PDSS2: variants seen among roughly 807,000 people sequenced by gnomAD.
PDSS2 encodes the protein all trans-polyprenyl-diphosphate synthase PDSS2.
Under a neutral mutation model 44.5 loss-of-function variants are expected in PDSS2, and 31 were observed. The ratio of observed to expected loss-of-function variants is 0.70; its 90% CI spans 0.52 to 0.94. The LOEUF is 0.94. PDSS2 is among the 40% of genes least tolerant of loss of function. The pLI is 0.00. For missense variants in PDSS2, 452 were observed against 482.2 expected (o/e 0.94, Z 0.59); for synonymous variants, 157 against 180.3 (o/e 0.87, Z 1.03).
intron 1 of PDSS2, among the ~76,000 whole-genome samples, chr6:107,396,431 G>C (rs1167210343): frequency 1.3e-5 from 2 of 152,108 alleles, no homozygotes; most frequent in Non-Finnish European, 2.9e-5. Context: ...TTTCTCTCAG[G>C]AATCAACAGT....
chr6:107,239,859 C>T lies in PDSS2; in HGVS notation c.702+5689G>A, dbSNP rs561802009. Among the ~76,000 whole-genome samples, 7 of 152,122 alleles carry T rather than the reference C, an allele frequency of 4.6e-5. No individual in the cohort carries two copies. The East Asian group carries it at 1.4e-3, about 29-fold the overall frequency. ...GTTTCACCATGTTGGCCAGGCTGGTCTCGAACTCCTAACCTCAAGTGATCT... is the reference window on the plus strand; with the variant it reads ...GTTTCACCATGTTGGCCAGGCTGGTTTCGAACTCCTAACCTCAAGTGATCT... On this transcript the variant is annotated intron_variant, in intron 4 of 7. Coordinates refer to ENST00000369037, the MANE Select transcript of PDSS2 (RefSeq NM_020381.4).
intron 4 of PDSS2, among the ~76,000 whole-genome samples, chr6:107,241,637 C>T (rs1167373869): frequency 6.6e-6 from 1 of 152,194 alleles, no homozygotes; most frequent in Non-Finnish European, 1.5e-5. Context: ...TAAGCCACCG[C>T]ACCCGGCTGC....
chr6:107,235,046 C>T (rs1774178457), intron 4 of PDSS2, among the ~76,000 whole-genome samples: 1 of 151,962 alleles, frequency 6.6e-6, no homozygotes, highest in African/African-American at 2.4e-5. Context: ...ACAGTGACAC[C>T]CAAGAAATGG....
chr6:107,363,215 T>TATAC (rs1778835443), intron 1 of PDSS2, among the ~76,000 whole-genome samples: 1 of 152,222 alleles, frequency 6.6e-6, no homozygotes. Context: ...AATACAGAGA[T>TATAC]ATACACATAG....
At chr6:107,366,870 A>G (rs1778973869) in intron 1 of PDSS2, among the ~76,000 whole-genome samples, 1 of 152,072 alleles carries the variant, frequency 6.6e-6, no homozygotes. Context: ...AGTCCTTTCC[A>G]CAAGGAAAGG....
At chr6:107,164,554 TC>T (rs1486835516) in intron 7 of PDSS2, among the ~76,000 whole-genome samples, 4 of 152,192 alleles carry the variant, frequency 2.6e-5, no homozygotes, top group African/African-American at 9.7e-5. Flanking sequence ...ATTTTATCAA[TC>T]CAGTCTATCA....
chr6:107,417,545 G>A (rs1276745146), intron 1 of PDSS2, among the ~76,000 whole-genome samples: 1 of 152,174 alleles, frequency 6.6e-6, no homozygotes, highest in African/African-American at 2.4e-5. Context: ...GATCACTTGA[G>A]GTGAGGAATT....
At chr6:107,185,070 C>G (rs1372267152) in intron 7 of PDSS2, among the ~76,000 whole-genome samples, 1 of 134,954 alleles carries the variant, frequency 7.4e-6, no homozygotes, top group Non-Finnish European at 1.5e-5. Flanking sequence ...CCCAGGAGTT[C>G]GAGGCTGTAG....
At chr6:107,256,348 T>C (rs1775022190) in intron 3 of PDSS2, among the ~76,000 whole-genome samples, 1 of 152,188 alleles carries the variant, frequency 6.6e-6, no homozygotes. Flanking sequence ...AGATAACATT[T>C]GGCCAAAGAG....
At chr6:107,167,909 A>G (rs558288642) in intron 7 of PDSS2, among the ~76,000 whole-genome samples, 3 of 152,218 alleles carry the variant, frequency 2.0e-5, no homozygotes, top group Admixed American at 6.5e-5. Context: ...TATGTGGTCA[A>G]TTTTGGATTG....
At chr6:107,237,310 C>T (rs1486412272) in intron 4 of PDSS2, among the ~76,000 whole-genome samples, 3 of 151,904 alleles carry the variant, frequency 2.0e-5, no homozygotes, top group Non-Finnish European at 4.4e-5. Context: ...ATGGCATGAT[C>T]TTGGCTCAGT....
intron 2 of PDSS2, among the ~76,000 whole-genome samples, chr6:107,305,640 T>TG (rs1189964138): frequency 6.6e-6 from 1 of 152,216 alleles, no homozygotes; most frequent in Admixed American, 6.5e-5. Flanking sequence ...TAATGTCAAG[T>TG]ATCTACTGGG....
At chr6:107,384,318 T>C (rs999590357) in intron 1 of PDSS2, among the ~76,000 whole-genome samples, 1 of 152,088 alleles carries the variant, frequency 6.6e-6, no homozygotes, top group African/African-American at 2.4e-5. Flanking sequence ...ATAGTGGTAA[T>C]GGTTGCACAA....
At chr6:107,442,999 T>C (rs1156796471) in intron 1 of PDSS2, among the ~76,000 whole-genome samples, 1 of 152,216 alleles carries the variant, frequency 6.6e-6, no homozygotes, top group Admixed American at 6.5e-5. Flanking sequence ...TAACAATTTA[T>C]TGCACTTTGT....
At chr6:107,325,174 C>T (rs1339800811) in intron 2 of PDSS2, among the ~76,000 whole-genome samples, 5 of 152,148 alleles carry the variant, frequency 3.3e-5, no homozygotes, top group Non-Finnish European at 7.4e-5. Flanking sequence ...AACCAATTTT[C>T]ACTTAGAGGA....
At chr6:107,262,066 G>A (rs994868261) in intron 3 of PDSS2, among the ~76,000 whole-genome samples, 3 of 151,452 alleles carry the variant, frequency 2.0e-5, no homozygotes, top group Admixed American at 6.6e-5. Flanking sequence ...CCGCCACCAC[G>A]CCCGGCTAAT....
At chr6:107,250,408 A>T (rs1335462070) in intron 3 of PDSS2, among the ~76,000 whole-genome samples, 1 of 152,216 alleles carries the variant, frequency 6.6e-6, no homozygotes, top group Non-Finnish European at 1.5e-5. Flanking sequence ...AATTTAAAAA[A>T]TTGTTTTCTT....
intron 1 of PDSS2, among the ~76,000 whole-genome samples, chr6:107,355,599 A>G (rs1778575386): frequency 2.0e-5 from 3 of 152,220 alleles, no homozygotes; most frequent in Non-Finnish European, 4.4e-5. Context: ...CCACCCCAAA[A>G]AAGAATACCT....
intron 4 of PDSS2, among the ~76,000 whole-genome samples, chr6:107,238,408 G>A (rs59107566): frequency 3.3e-5 from 5 of 151,918 alleles, no homozygotes; most frequent in Non-Finnish European, 7.4e-5. Context: ...TTTTTACAGT[G>A]AAAGGATACA....
Sources: allele counts gnomAD v4.1 joint callset (sites outside exome capture counted in the v4.1 genomes callset), GRCh38; gene constraint gnomAD v4.1.1; transcripts MANE v1.5; gene names NCBI Gene and HGNC (gene_info 2026-07-23, HGNC 2026-07-21).